Variants in RABGAP1 observed in about 807,000 individuals in gnomAD.
RABGAP1 encodes the protein RAB GTPase activating protein 1.
In RABGAP1, 23 loss-of-function variants were observed where a neutral mutation model predicts 137.6. The observed-to-expected ratio is 0.17, with a 90% CI of 0.12 to 0.24. The LOEUF is 0.24. Among genes scored for constraint, RABGAP1 ranks in the 10% least tolerant of loss-of-function variants. The pLI is 1.00. For missense variants in RABGAP1, 906 were observed against 1,275.8 expected (o/e 0.71, Z 4.42); for synonymous variants, 451 against 450.7 (o/e 1.00, Z -0.01).
intron 19 of RABGAP1, among the ~76,000 whole-genome samples, chr9:123,084,071 G>A (rs936649898): frequency 3.3e-5 from 5 of 152,114 alleles, no homozygotes; most frequent in Non-Finnish European, 4.4e-5. Context: ...TCTATGATAC[G>A]GTATGATGTG....
chr9:123,058,545 A>AT (rs61173651), intron 13 of RABGAP1, among the ~76,000 whole-genome samples: 4,413 of 151,248 alleles, frequency 0.029, 91 homozygotes, highest in South Asian at 0.06. Flanking sequence ...CAAAAGTTAG[A>AT]TTTTTTTTTT....
At chr9:122,990,957 GT>G (rs950673147) in intron 6 of RABGAP1, among the ~76,000 whole-genome samples, 2 of 150,180 alleles carry the variant, frequency 1.3e-5, no homozygotes, top group African/African-American at 4.9e-5. Flanking sequence ...TTCAAGTCAA[GT>G]TTTCCCAGTA....
chr9:123,075,622 A>G (rs1425022730), intron 17 of RABGAP1, among the ~76,000 whole-genome samples: 1 of 152,248 alleles, frequency 6.6e-6, no homozygotes, highest in Non-Finnish European at 1.5e-5. Context: ...TTTTAGTAGT[A>G]TAAACAACCA....
At chr9:123,092,957 C>T (rs1564190387) in intron 21 of RABGAP1, among the ~76,000 whole-genome samples, 1 of 152,156 alleles carries the variant, frequency 6.6e-6, no homozygotes, top group African/African-American at 2.4e-5. Context: ...TAAAATGCTG[C>T]AGACACACCT....
intron 11 of RABGAP1, among the ~76,000 whole-genome samples, chr9:123,012,532 G>A (rs1009082096): frequency 2.0e-5 from 3 of 152,216 alleles, no homozygotes; most frequent in African/African-American, 7.2e-5. Flanking sequence ...TTAATTTATA[G>A]CAGACATACC....
chr9:122,980,710 A>G (rs966824623), intron 2 of RABGAP1, among the ~76,000 whole-genome samples: 1 of 152,216 alleles, frequency 6.6e-6, no homozygotes, highest in Non-Finnish European at 1.5e-5. Flanking sequence ...ATCATTTGCA[A>G]TTAGTCGTTT....
At chr9:123,050,267 A>G (rs2033396832) in intron 13 of RABGAP1, among the ~76,000 whole-genome samples, 1 of 152,270 alleles carries the variant, frequency 6.6e-6, no homozygotes, top group South Asian at 2.1e-4. Flanking sequence ...ATTTAAATGT[A>G]TAGAGATCAG....
chr9:122,995,557 T>C (rs889744298), intron 6 of RABGAP1, among the ~76,000 whole-genome samples: 1 of 144,814 alleles, frequency 6.9e-6, no homozygotes, highest in Admixed American at 7.6e-5. Context: ...TACCTGCAAA[T>C]ATCAAATGAT....
At chr9:122,970,647 A>T (rs1835421986) in intron 2 of RABGAP1, among the ~76,000 whole-genome samples, 1 of 152,002 alleles carries the variant, frequency 6.6e-6, no homozygotes, top group African/African-American at 2.4e-5. Flanking sequence ...CTCAGTGTCC[A>T]TTGTTCCCAT....
chr9:123,047,506 G>A (rs1238938024), intron 13 of RABGAP1, among the ~76,000 whole-genome samples: 1 of 152,060 alleles, frequency 6.6e-6, no homozygotes, highest in South Asian at 2.1e-4. Context: ...TTTCCTATGT[G>A]CTGATAAGTT....
intron 2 of RABGAP1, among the ~76,000 whole-genome samples, chr9:122,976,013 T>G (rs1835742922): frequency 6.6e-6 from 1 of 152,204 alleles, no homozygotes; most frequent in Non-Finnish European, 1.5e-5. Flanking sequence ...TGAGAGCCAT[T>G]CAGATAATCT....
At chr9:123,076,909 A>G in intron 19 of RABGAP1, 147 bp downstream of exon 19, 5 of 445,694 alleles carry the variant, frequency 1.1e-5, no homozygotes, top group African/African-American at 2.1e-5. Flanking sequence ...TATAAATAAT[A>G]TTAATGATGT....
upstream of RABGAP1, among the ~76,000 whole-genome samples, chr9:122,936,520 T>A (rs1833389374): frequency 6.6e-6 from 1 of 152,224 alleles, no homozygotes. Flanking sequence ...TTTAGTGTGA[T>A]ACCAGCTACT....
chr9:123,037,944 G>A (rs548969931), intron 13 of RABGAP1, among the ~76,000 whole-genome samples: 66 of 152,232 alleles, frequency 4.3e-4, no homozygotes, highest in Middle Eastern at 3.4e-3. Flanking sequence ...TGGCGTTGGC[G>A]GGATAGCTCA....
intron 13 of RABGAP1, among the ~76,000 whole-genome samples, chr9:123,060,089 A>G (rs777120722): frequency 1.3e-5 from 2 of 152,194 alleles, no homozygotes; most frequent in African/African-American, 2.4e-5. Context: ...AGAATAGAGA[A>G]CTGTTGAGAA....
chr9:123,053,989 T>C (rs1209980442), intron 13 of RABGAP1, among the ~76,000 whole-genome samples: 1 of 152,198 alleles, frequency 6.6e-6, no homozygotes. Flanking sequence ...GGTATAAAAA[T>C]AGTCATCCAG....
chr9:123,010,599 G>T (rs996176067), intron 11 of RABGAP1, 71 bp downstream of exon 11: 8 of 1,395,434 alleles, frequency 5.7e-6, no homozygotes, highest in Non-Finnish European at 7.9e-6. Flanking sequence ...ATCGTATCAG[G>T]GGATTGATAA....
chr9:123,059,188 G>A (rs568911849), intron 13 of RABGAP1, among the ~76,000 whole-genome samples: 2 of 152,206 alleles, frequency 1.3e-5, no homozygotes, highest in African/African-American at 4.8e-5. Flanking sequence ...GGTTGTGCCA[G>A]TAGAAGTAAA....
chr9:123,017,613 G>A (rs1031143393), intron 12 of RABGAP1, among the ~76,000 whole-genome samples: 38 of 152,252 alleles, frequency 2.5e-4, no homozygotes, highest in African/African-American at 8.9e-4. Flanking sequence ...TTTAAGCTGT[G>A]TGGTCTTAGA....
Sources: gnomAD v4.1 joint callset for allele counts (sites outside exome capture counted in the v4.1 genomes callset) on GRCh38, gnomAD v4.1.1 for gene constraint, MANE v1.5 for transcripts, NCBI Gene and HGNC (gene_info 2026-07-23, HGNC 2026-07-21) for gene names.